The following MYOM1 variants were observed in gnomAD, a reference collection of about 807,000 sequenced individuals.
MYOM1 encodes myomesin 1.
A neutral mutation model predicts 205.3 loss-of-function variants in MYOM1; 164 were observed. The ratio of observed to expected loss-of-function variants is 0.80; its 90% CI spans 0.70 to 0.91. The LOEUF (loss-of-function observed/expected upper bound fraction) is 0.91. MYOM1 is among the 40% of genes least tolerant of loss of function. MYOM1 has a pLI of 0.00. For missense variants in MYOM1, 2,011 were observed against 2,127.3 expected, an observed-to-expected ratio of 0.95 and a Z score of 1.08; for synonymous variants, 772 against 789.4, an observed-to-expected ratio of 0.98 and a Z score of 0.37.
intron 2 of MYOM1, among the ~76,000 whole-genome samples, chr18:3,211,736 G>A (rs2081192896): frequency 1.3e-5 from 2 of 152,178 alleles, no homozygotes; most frequent in African/African-American, 4.8e-5. Flanking sequence ...TAACTGATCT[G>A]TACTGCAAGC....
chr18:3,071,882 G>A lies in MYOM1; in HGVS notation c.4716C>T (p.Ala1572=). The change falls in exon 37 of 38, where the codon GCC becomes GCT. Residue 1572 remains alanine (A), a synonymous_variant. Transcript: ENST00000356443. ...KQAAIAEKNR[A]RVLGGLPDVV... ...CGTCTGGGAGACCTCCCAACACCCG[G>A]GCACGATCTGCAAGCATAGGCATTT... The A allele has an allele frequency of 6.2e-7, 1 of 1,604,698 alleles. No individual in the cohort carries two copies. Among genetic ancestry groups the A allele is most frequent in the Non-Finnish European group, 8.5e-7 (1 of 1,175,570 alleles).
At position 3,079,242 on chromosome 18, in the gene MYOM1, ACTTCC is replaced by A; in HGVS notation, c.4580_4584del (p.Gly1527ValfsTer7). 1 of 1,613,924 alleles carries A rather than the reference ACTTCC, an allele frequency of 6.2e-7. No individual in the cohort carries two copies. Among genetic ancestry groups the A allele is most frequent in the Non-Finnish European group, 8.5e-7 (1 of 1,179,880 alleles). ...TTGCCATCAAAGAGCTCCATGACAT[ACTTCC>A]CTTTGTCATTCGGGGTGGGCTCGTT... On this transcript the variant is annotated frameshift_variant, in exon 34 of 38. Transcript: ENST00000356443. LOFTEE classifies it high-confidence loss of function.
chr18:3,146,987 C>A, intron 13 of MYOM1, among the ~76,000 whole-genome samples: 1 of 147,372 alleles, frequency 6.8e-6, no homozygotes, highest in Non-Finnish European at 1.5e-5. Flanking sequence ...AGCATAAAAA[C>A]AAATTAAAAT....
chr18:3,116,198 A>G (rs2079602473), intron 21 of MYOM1, 133 bp downstream of exon 21: 6 of 902,514 alleles, frequency 6.6e-6, no homozygotes, highest in Non-Finnish European at 9.8e-6. Flanking sequence ...AACCTCTGCC[A>G]GTGGAATCTT....
At chr18:3,071,267 A>T (rs1373164962) in intron 37 of MYOM1, among the ~76,000 whole-genome samples, 1 of 152,166 alleles carries the variant, frequency 6.6e-6, no homozygotes, top group South Asian at 2.1e-4. Flanking sequence ...TTAAAGGGTG[A>T]CTCTTCAAAG....
chr18:3,129,953 G>A (rs2079850985), intron 17 of MYOM1, among the ~76,000 whole-genome samples: 1 of 152,072 alleles, frequency 6.6e-6, no homozygotes, highest in African/African-American at 2.4e-5. Context: ...ATTATGTGCA[G>A]TACTACAATA....
intron 36 of MYOM1, among the ~76,000 whole-genome samples, chr18:3,073,418 G>C (rs1486078641): frequency 6.6e-6 from 1 of 152,182 alleles, no homozygotes; most frequent in African/African-American, 2.4e-5. Context: ...TGTGACTCTT[G>C]ACTTCCCTGT....
intron 3 of MYOM1, among the ~76,000 whole-genome samples, chr18:3,191,840 T>A (rs529182983): frequency 6.6e-6 from 1 of 151,586 alleles, no homozygotes; most frequent in Non-Finnish European, 1.5e-5. Context: ...GGACTACAGG[T>A]GCCCGCCACC....
chr18:3,190,909 C>T (rs1051501350), intron 3 of MYOM1, among the ~76,000 whole-genome samples: 2 of 152,150 alleles, frequency 1.3e-5, no homozygotes, highest in East Asian at 1.9e-4. Context: ...TATGTTGGCA[C>T]AGCTCTAGAG....
At chr18:3,175,980 G>T in intron 6 of MYOM1, 62 bp downstream of exon 6, 1 of 997,652 alleles carries the variant, frequency 1.0e-6, no homozygotes. Context: ...GCTGTTAACT[G>T]CAGGGGTGAG....
At chr18:3,147,494 G>A (rs2080146827) in intron 13 of MYOM1, among the ~76,000 whole-genome samples, 1 of 151,930 alleles carries the variant, frequency 6.6e-6, no homozygotes, top group South Asian at 2.1e-4. Context: ...AATTTTTATA[G>A]AAATGTAAAG....
rs2298537 is a variant in MYOM1, at chr18:3,075,780, A to C, written c.4649-19T>G. On this transcript the variant is annotated intron_variant, in intron 34 of 37. Coordinates refer to ENST00000356443, the MANE Select transcript of MYOM1 (RefSeq NM_003803.4). Reference sequence around the variant, plus strand: ...TCGTATGCTTTAAAAGAAAAAAGAAAAGTTAGAATTTTCTCACCCAGAATT... The same window carrying C: ...TCGTATGCTTTAAAAGAAAAAAGAACAGTTAGAATTTTCTCACCCAGAATT... 0.17 allele frequency: 264,123 copies of C among 1,543,888 alleles called. 24,871 individuals are homozygous for C. Among genetic ancestry groups the C allele is most frequent in the East Asian group, 0.19 (7,878 of 42,362 alleles).
intron 1 of MYOM1, among the ~76,000 whole-genome samples, chr18:3,217,784 A>G (rs2081287742): frequency 6.6e-6 from 1 of 152,126 alleles, no homozygotes; most frequent in African/African-American, 2.4e-5. Context: ...GGAGTTTGAG[A>G]CCAGCCTGGG....
In MYOM1 at chr18:3,179,991, AT is replaced by A. The variant is rs1288937739; in HGVS notation, c.930-3858del. Among the ~76,000 whole-genome samples, 1 of 152,042 alleles carries A rather than the reference AT, an allele frequency of 6.6e-6. No homozygotes were observed. The highest frequency in any genetic ancestry group is 1.5e-5 in the Non-Finnish European group (1 of 68,026). On this transcript the variant is annotated intron_variant, in intron 5 of 37. Transcript: ENST00000356443. This position sits in a 1 kb window ranked among gnomAD's most constrained non-coding sequence, Gnocchi z 4.4. Reference sequence around the variant, plus strand: ...AAAGTATTGCTCATATCTCTATAAAATTTTCATTACAAAGTATTCTGCAGGT... The same window carrying A: ...AAAGTATTGCTCATATCTCTATAAAATTTCATTACAAAGTATTCTGCAGGT...
At chr18:3,221,797 T>C (rs1447558601), upstream of MYOM1, among the ~76,000 whole-genome samples, 1 of 152,244 alleles carries the variant, frequency 6.6e-6, no homozygotes, top group Non-Finnish European at 1.5e-5. Flanking sequence ...TTTCTTCATA[T>C]ACATACCTCT....
intron 33 of MYOM1, among the ~76,000 whole-genome samples, chr18:3,081,763 C>T (rs993269378): frequency 6.6e-6 from 1 of 152,180 alleles, no homozygotes; most frequent in Non-Finnish European, 1.5e-5. Context: ...AAGCCCCAAG[C>T]ATTCTACATT....
At chr18:3,237,341 C>T in the MYOM1 span, among the ~76,000 whole-genome samples, 1 of 152,154 alleles carries the variant, frequency 6.6e-6, no homozygotes, top group African/African-American at 2.4e-5. Context: ...TGGCTCACGC[C>T]TGTAATCCCA....
intron 9 of MYOM1, among the ~76,000 whole-genome samples, chr18:3,165,630 T>C (rs186981034): frequency 6.6e-6 from 1 of 152,150 alleles, no homozygotes; most frequent in East Asian, 1.9e-4. Flanking sequence ...TATTTTATAA[T>C]ATTTTAGTGA....
At chr18:3,122,437 C>G (rs898384145) in intron 19 of MYOM1, among the ~76,000 whole-genome samples, 1 of 152,102 alleles carries the variant, frequency 6.6e-6, no homozygotes, top group East Asian at 1.9e-4. Context: ...TAAAGAGTCA[C>G]TTTGTATCCA....
Sources: allele counts gnomAD v4.1 joint callset (sites outside exome capture counted in the v4.1 genomes callset), GRCh38; gene constraint gnomAD v4.1.1; non-coding constraint Gnocchi (gnomAD v3.1); transcripts MANE v1.5; gene names NCBI Gene and HGNC (gene_info 2026-07-23, HGNC 2026-07-21).